PTPRD: variants seen among roughly 807,000 people sequenced by gnomAD.
The protein encoded by PTPRD is receptor-type tyrosine-protein phosphatase delta.
Under a neutral mutation model 214.5 loss-of-function variants are expected in PTPRD, and 34 were observed. That is an observed-to-expected ratio of 0.16 (90% CI 0.12 to 0.21). PTPRD has a LOEUF of 0.21. PTPRD is among the 10% of genes least tolerant of loss of function. The probability of loss-of-function intolerance (pLI) is 1.00; values close to 1 mark genes in which losing one functional copy is unlikely to be tolerated. For synonymous variants in PTPRD, 1,128 were observed against 845.7 expected (o/e 1.33, Z -5.79); for missense variants, 2,545 against 2,398.7 (o/e 1.06, Z -1.27).
In PTPRD at chr9:8,349,390, T is replaced by G. The variant is rs1588327810; in HGVS notation, c.4662-7412A>C. ...GTTTCCTTCTCCAATTTACTCTTTT[T>G]TTGTTCACCCATCAGTATCTGAGTG... On this transcript the variant is annotated intron_variant, in intron 39 of 45. Coordinates refer to ENST00000381196, the MANE Select transcript of PTPRD (RefSeq NM_002839.4). Among the ~76,000 whole-genome samples, 3 of 152,178 alleles carry G rather than the reference T, an allele frequency of 2.0e-5. No homozygotes were observed. In the East Asian group the frequency reaches 5.8e-4, roughly 29 times the overall value.
chr9:8,984,520 A>C (rs1436950996), intron 11 of PTPRD, among the ~76,000 whole-genome samples: 1 of 152,156 alleles, frequency 6.6e-6, no homozygotes, highest in Non-Finnish European at 1.5e-5. Flanking sequence ...AGCTGTTCTG[A>C]AACATACAAT....
chr9:9,098,180 C>T (rs1413004424), intron 10 of PTPRD, among the ~76,000 whole-genome samples: 1 of 151,982 alleles, frequency 6.6e-6, no homozygotes, highest in African/African-American at 2.4e-5. Flanking sequence ...CCAAAAATTG[C>T]CTTTCTTTCT....
At chr9:8,785,330 A>G (rs2095897857) in intron 11 of PTPRD, among the ~76,000 whole-genome samples, 1 of 152,250 alleles carries the variant, frequency 6.6e-6, no homozygotes, top group Non-Finnish European at 1.5e-5. Flanking sequence ...GGAATTACCC[A>G]TGGTTTTAAT....
intron 7 of PTPRD, among the ~76,000 whole-genome samples, chr9:9,637,228 T>G (rs111401362): frequency 8.3e-4 from 126 of 152,304 alleles, no homozygotes; most frequent in African/African-American, 2.8e-3. Context: ...TTCACCCTGA[T>G]AGCCCCCAAA....
At chr9:10,582,222 G>C (rs189638426) in intron 2 of PTPRD, among the ~76,000 whole-genome samples, 6 of 152,208 alleles carry the variant, frequency 3.9e-5, no homozygotes, top group Admixed American at 3.3e-4. Flanking sequence ...TCAACAAGAA[G>C]CAGCATGAGC....
intron 12 of PTPRD, among the ~76,000 whole-genome samples, chr9:8,671,827 A>G (rs1184931645): frequency 1.3e-5 from 2 of 152,194 alleles, no homozygotes; most frequent in African/African-American, 4.8e-5. Flanking sequence ...GTATCTAGAA[A>G]GGACCCTATT....
intron 7 of PTPRD, among the ~76,000 whole-genome samples, chr9:9,705,047 TTTC>T (rs1170191918): frequency 6.6e-6 from 1 of 152,252 alleles, no homozygotes; most frequent in East Asian, 1.9e-4. Context: ...ATCCCCTCCT[TTTC>T]TTTTCTTTTG....
chr9:9,024,802 A>G (rs546079475), intron 10 of PTPRD, among the ~76,000 whole-genome samples: 12 of 152,014 alleles, frequency 7.9e-5, no homozygotes, highest in African/African-American at 2.9e-4. Context: ...TTATATATTA[A>G]GGATATTGAT....
intron 2 of PTPRD, among the ~76,000 whole-genome samples, chr9:10,561,994 A>T (rs2064104149): frequency 6.6e-6 from 1 of 152,172 alleles, no homozygotes; most frequent in African/African-American, 2.4e-5. Flanking sequence ...TAAAGAAGGA[A>T]TATTTAAGGC....
At chr9:8,848,505 T>A (rs1272374968) in intron 11 of PTPRD, among the ~76,000 whole-genome samples, 1 of 8,410 alleles carries the variant, frequency 1.2e-4, no homozygotes, top group Admixed American at 8.9e-4. Flanking sequence ...CTGGCAAATA[T>A]TTTTTTTTTT....
At chr9:10,444,979 A>T (rs369515157) in intron 2 of PTPRD, among the ~76,000 whole-genome samples, 42 of 152,160 alleles carry the variant, frequency 2.8e-4, no homozygotes, top group African/African-American at 9.9e-4. Context: ...AAATGTTGTT[A>T]AGAGAAGGGC....
rs78002776 is a variant in PTPRD, at chr9:9,128,131, A to G, written c.-143+55173T>C. Among the ~76,000 whole-genome samples, 134 of 152,342 alleles carry G rather than the reference A, an allele frequency of 8.8e-4. 1 individual carries two copies. Among genetic ancestry groups the G allele is most frequent in the Non-Finnish European group, 1.7e-3 (118 of 68,032 alleles). On this transcript the variant is annotated intron_variant, in intron 10 of 45. Transcript: ENST00000381196. ...GGCCAGATGGTTTTACTACATGAAC[A>G]ACATAGATGCTGGATCATCAGCTTA...
At chr9:9,054,801 G>C (rs921513282) in intron 10 of PTPRD, among the ~76,000 whole-genome samples, 1 of 152,170 alleles carries the variant, frequency 6.6e-6, no homozygotes, top group Non-Finnish European at 1.5e-5. Flanking sequence ...TCACAGTCCT[G>C]TAGGTCAAGT....
chr9:10,094,761 T>G (rs181371762), intron 3 of PTPRD, among the ~76,000 whole-genome samples: 1 of 151,520 alleles, frequency 6.6e-6, no homozygotes, highest in African/African-American at 2.4e-5. Context: ...ACTGCTGTGA[T>G]GACAGTAAGC....
At chr9:8,438,628 A>G (rs1237609190) in intron 34 of PTPRD, 2 of 152,234 alleles carry the variant, frequency 1.3e-5, no homozygotes, top group Non-Finnish European at 2.9e-5. Context: ...TTATCTGGAA[A>G]TGGAAATGGA....
rs531495166 is a variant in PTPRD, at chr9:10,235,896, C to A, written c.-545+105067G>T. 1.5e-4 allele frequency among the ~76,000 whole-genome samples: 23 copies of A among 152,018 alleles called. No individual in the cohort carries two copies. The South Asian group carries it at 4.6e-3, about 30-fold the overall frequency. On this transcript the variant is annotated intron_variant, in intron 3 of 45. Transcript: ENST00000381196. Reference sequence around the variant, plus strand: ...ATGTCTTCTTTGTGTGAGACATAACCTTTGGGGTGTGAATTATTTTAGTGC... The same window carrying A: ...ATGTCTTCTTTGTGTGAGACATAACATTTGGGGTGTGAATTATTTTAGTGC...
intron 4 of PTPRD, among the ~76,000 whole-genome samples, chr9:10,025,482 AC>A (rs2096906540): frequency 6.6e-6 from 1 of 151,700 alleles, no homozygotes; most frequent in Non-Finnish European, 1.5e-5. Context: ...CATAATACAA[AC>A]CATTAGACAG....
intron 14 of PTPRD, among the ~76,000 whole-genome samples, chr9:8,628,426 C>G (rs1343324800): frequency 1.3e-5 from 2 of 151,814 alleles, no homozygotes; most frequent in African/African-American, 4.8e-5. Flanking sequence ...AGTGCCTTCT[C>G]TGTCTCATCC....
At chr9:9,352,327 A>ATGTG (rs1055505531) in intron 9 of PTPRD, among the ~76,000 whole-genome samples, 759 of 68,418 alleles carry the variant, frequency 0.011, 11 homozygotes, top group East Asian at 0.057. Flanking sequence ...ATATATATAT[A>ATGTG]TGTGTGTGTG....
Sources: gnomAD v4.1 joint callset for allele counts (sites outside exome capture counted in the v4.1 genomes callset) on GRCh38, gnomAD v4.1.1 for gene constraint, MANE v1.5 for transcripts, NCBI Gene and HGNC (gene_info 2026-07-23, HGNC 2026-07-21) for gene names.